Variants in HS6ST3 observed in about 807,000 individuals in gnomAD.
HS6ST3 encodes heparan-sulfate 6-O-sulfotransferase 3.
Under a neutral mutation model 36.7 loss-of-function variants are expected in HS6ST3, and 12 were observed. The ratio of observed to expected loss-of-function variants is 0.33; its 90% CI spans 0.21 to 0.53. The LOEUF is 0.53. Among genes scored for constraint, HS6ST3 ranks in the 20% least tolerant of loss-of-function variants. HS6ST3 has a pLI of 0.95. For synonymous variants in HS6ST3, 240 were observed against 257.5 expected (o/e 0.93, Z 0.65); for missense variants, 584 against 640.9 (o/e 0.91, Z 0.96).
intron 1 of HS6ST3, among the ~76,000 whole-genome samples, chr13:96,695,787 A>G (rs1243027299): frequency 1.3e-5 from 2 of 152,104 alleles, no homozygotes; most frequent in Non-Finnish European, 2.9e-5. Flanking sequence ...TTAGTATAAA[A>G]ATGTTGAGAA....
chr13:96,717,940 A>G (rs985896490), intron 1 of HS6ST3, among the ~76,000 whole-genome samples: 6 of 152,214 alleles, frequency 3.9e-5, no homozygotes, highest in African/African-American at 1.4e-4. Context: ...ATTTTCGCGC[A>G]CTGAGGACCA....
intron 1 of HS6ST3, among the ~76,000 whole-genome samples, chr13:96,373,066 G>T (rs1297284054): frequency 6.6e-6 from 1 of 152,038 alleles, no homozygotes; most frequent in Non-Finnish European, 1.5e-5. Context: ...TTGGCTTGTG[G>T]CTGCTGCATC....
At chr13:96,528,713 T>C (rs191480330) in intron 1 of HS6ST3, among the ~76,000 whole-genome samples, 1 of 152,304 alleles carries the variant, frequency 6.6e-6, no homozygotes, top group Admixed American at 6.5e-5. Flanking sequence ...CATTACCACT[T>C]ACATGTTGTA....
At chr13:96,236,670 A>G (rs1206395498) in intron 1 of HS6ST3, among the ~76,000 whole-genome samples, 1 of 152,180 alleles carries the variant, frequency 6.6e-6, no homozygotes, top group Non-Finnish European at 1.5e-5. Flanking sequence ...TAGAGAAGAA[A>G]TACACAAGAG....
chr13:96,485,458 G>C (rs1044315127), intron 1 of HS6ST3, among the ~76,000 whole-genome samples: 1 of 152,020 alleles, frequency 6.6e-6, no homozygotes, highest in African/African-American at 2.4e-5. Flanking sequence ...TGCTGTAATT[G>C]TCTACAAGTT....
chr13:96,304,582 T>G (rs994097358), intron 1 of HS6ST3, among the ~76,000 whole-genome samples: 3 of 151,980 alleles, frequency 2.0e-5, no homozygotes, highest in African/African-American at 7.2e-5. Context: ...TGGAGGACAC[T>G]GAGAACTCAC....
intron 1 of HS6ST3, among the ~76,000 whole-genome samples, chr13:96,104,319 T>G (rs1183983801): frequency 6.6e-6 from 1 of 152,206 alleles, no homozygotes; most frequent in African/African-American, 2.4e-5. Context: ...ATGTGAAGCC[T>G]AGTACTGATC....
At chr13:96,419,584 GT>G (rs2055552848) in intron 1 of HS6ST3, among the ~76,000 whole-genome samples, 1 of 152,150 alleles carries the variant, frequency 6.6e-6, no homozygotes, top group Non-Finnish European at 1.5e-5. Context: ...CCATAACAAA[GT>G]ACCACAAACT....
chr13:96,645,136 C>T (rs914380674), intron 1 of HS6ST3, among the ~76,000 whole-genome samples: 1 of 151,812 alleles, frequency 6.6e-6, no homozygotes, highest in Non-Finnish European at 1.5e-5. Flanking sequence ...TAGTGCTGCT[C>T]ACTTCTGGTA....
At chr13:96,405,703 C>G (rs917182175) in intron 1 of HS6ST3, among the ~76,000 whole-genome samples, 2 of 152,128 alleles carry the variant, frequency 1.3e-5, no homozygotes, top group Non-Finnish European at 2.9e-5. Flanking sequence ...CATAGCAGAG[C>G]AAGAATCTTT....
At chr13:96,579,640 C>A (rs1434977588) in intron 1 of HS6ST3, among the ~76,000 whole-genome samples, 1 of 152,024 alleles carries the variant, frequency 6.6e-6, no homozygotes, top group African/African-American at 2.4e-5. Context: ...AGTCAACAAG[C>A]CAATGCTAAG....
chr13:96,116,898 G>C lies in HS6ST3; in HGVS notation c.707+25329G>C, dbSNP rs137953936. On this transcript the variant is annotated intron_variant, in intron 1 of 1. Coordinates refer to ENST00000376705, the MANE Select transcript of HS6ST3 (RefSeq NM_153456.4). ...CGAAGTAGGTAAAAATATGCTTAAG[G>C]AGAGATGAACATTTATATGAAGTAA... Among the ~76,000 whole-genome samples the C allele has an allele frequency of 3.7e-3, 566 of 152,280 alleles. 3 individuals carry two copies. The highest frequency in any genetic ancestry group is 0.013 in the African/African-American group (545 of 41,548).
chr13:96,358,002 G>C (rs1268820093), intron 1 of HS6ST3, among the ~76,000 whole-genome samples: 3 of 152,166 alleles, frequency 2.0e-5, no homozygotes, highest in Non-Finnish European at 4.4e-5. Context: ...TTACAAAAAT[G>C]ATGCGAATAG....
At chr13:96,521,451 T>A (rs1340936200) in intron 1 of HS6ST3, among the ~76,000 whole-genome samples, 8 of 152,240 alleles carry the variant, frequency 5.3e-5, no homozygotes, top group Admixed American at 5.2e-4. Flanking sequence ...GTACGTCTTG[T>A]AGAATTCGGT....
intron 1 of HS6ST3, among the ~76,000 whole-genome samples, chr13:96,212,554 G>A (rs1245931645): frequency 6.6e-6 from 1 of 152,168 alleles, no homozygotes; most frequent in African/African-American, 2.4e-5. Flanking sequence ...TTTGAAAGTT[G>A]GAAGTCCAGG....
At chr13:96,357,064 G>A (rs1329697196) in intron 1 of HS6ST3, among the ~76,000 whole-genome samples, 1 of 152,152 alleles carries the variant, frequency 6.6e-6, no homozygotes, top group Non-Finnish European at 1.5e-5. Context: ...CTTTGCTTCT[G>A]CAATTTCCTC....
At chr13:96,287,197 A>G (rs2139397097) in intron 1 of HS6ST3, among the ~76,000 whole-genome samples, 1 of 152,284 alleles carries the variant, frequency 6.6e-6, no homozygotes, top group Admixed American at 6.5e-5. Flanking sequence ...AACATCTCAG[A>G]CATCCCTGTT....
chr13:96,431,362 C>G (rs909831909), intron 1 of HS6ST3, among the ~76,000 whole-genome samples: 1 of 152,160 alleles, frequency 6.6e-6, no homozygotes, highest in Non-Finnish European at 1.5e-5. Flanking sequence ...CTCCAAATCT[C>G]ATTGTCAGTC....
At chr13:96,279,921 A>G (rs1280565372) in intron 1 of HS6ST3, among the ~76,000 whole-genome samples, 1 of 152,168 alleles carries the variant, frequency 6.6e-6, no homozygotes, top group East Asian at 1.9e-4. Context: ...AAGATTGTTA[A>G]TATTTTTACA....
Sources: allele counts gnomAD v4.1 joint callset (sites outside exome capture counted in the v4.1 genomes callset), GRCh38; gene constraint gnomAD v4.1.1; transcripts MANE v1.5; gene names NCBI Gene and HGNC (gene_info 2026-07-23, HGNC 2026-07-21).